TNNI3K: variants seen among roughly 807,000 people sequenced by gnomAD.
TNNI3K encodes the protein TNNI3 interacting kinase, also known as serine/threonine-protein kinase TNNI3K.
Under a neutral mutation model 114.5 loss-of-function variants are expected in TNNI3K, and 140 were observed. The observed-to-expected ratio is 1.22, with a 90% CI of 1.07 to 1.41. The LOEUF is 1.41. Ranked by LOEUF, TNNI3K falls within the 40% of genes most tolerant of loss-of-function variation. The pLI is 0.00. For missense variants in TNNI3K, 1,125 were observed against 1,007.6 expected, an observed-to-expected ratio of 1.12 and a Z score of -1.58; for synonymous variants, 347 against 347.5, an observed-to-expected ratio of 1.00 and a Z score of 0.02.
intron 20 of TNNI3K, among the ~76,000 whole-genome samples, chr1:74,445,215 TTC>T (rs1666582448): frequency 2.9e-5 from 2 of 70,132 alleles, no homozygotes; most frequent in South Asian, 1.5e-3. Flanking sequence ...TTTTTTTTTT[TTC>T]TTTCTTTTTT....
chr1:74,501,250 A>G lies in TNNI3K; in HGVS notation c.2351+8984A>G, dbSNP rs1052583720. On this transcript the variant is annotated intron_variant, in intron 23 of 24. Coordinates refer to ENST00000326637, the MANE Select transcript of TNNI3K (RefSeq NM_015978.3). ...CTTATTCTCTCAGAAGCTGGATTTA[A>G]TGTGTTGTTTACTTTGTTCATTGCA... Among the ~76,000 whole-genome samples the G allele has an allele frequency of 2.0e-5, 3 of 152,214 alleles. No individual in the cohort carries two copies. The South Asian group carries it at 6.2e-4, about 32-fold the overall frequency.
chr1:74,489,246 G>A lies in TNNI3K; in HGVS notation c.2179G>A (p.Glu727Lys). ...GTTAGAAGAGTGTCTCTGCAACATT[G>A]AGGTAAAAGCTTTAGCTTCTGAAAT... ...MKLEECLCNI[E>K]LMSPASSNSS... Residue 727 changes from glutamate (E) to lysine (K), a missense_variant and splice_region_variant, in exon 22 of 25, where the codon GAG becomes AAG. Glu to Lys is a moderately conservative substitution (Grantham distance 56). Transcript: ENST00000326637. The A allele has an allele frequency of 6.2e-7, 1 of 1,611,004 alleles. No individual in the cohort carries two copies. Among genetic ancestry groups the A allele is most frequent in the Non-Finnish European group, 8.5e-7 (1 of 1,178,672 alleles).
chr1:74,538,770 A>G (rs533237588), intron 23 of TNNI3K, among the ~76,000 whole-genome samples: 10 of 152,276 alleles, frequency 6.6e-5, no homozygotes, highest in Admixed American at 5.9e-4. Context: ...TAAGAAGAGC[A>G]TTGCAAGCAG....
intron 5 of TNNI3K, among the ~76,000 whole-genome samples, chr1:74,288,685 A>G (rs1236741855): frequency 6.6e-6 from 1 of 151,976 alleles, no homozygotes; most frequent in East Asian, 1.9e-4. Context: ...TAAATTCTGG[A>G]GATCTAATGT....
intron 21 of TNNI3K, among the ~76,000 whole-genome samples, chr1:74,474,990 T>C (rs1668116628): frequency 1.1e-5 from 1 of 93,612 alleles, no homozygotes; most frequent in East Asian, 3.2e-4. Context: ...GCACTATTGC[T>C]ATTTAAAAGG....
intron 21 of TNNI3K, among the ~76,000 whole-genome samples, chr1:74,485,850 T>C (rs540158076): frequency 6.6e-5 from 10 of 152,108 alleles, no homozygotes; most frequent in Non-Finnish European, 1.2e-4. Context: ...AAAACAGACA[T>C]GTGTCATACA....
chr1:74,260,341 AAACATTAG>A (rs1655588689), intron 4 of TNNI3K, among the ~76,000 whole-genome samples: 1 of 152,214 alleles, frequency 6.6e-6, no homozygotes, highest in South Asian at 2.1e-4. Context: ...GTGAGTGTCC[AAACATTAG>A]AACAATACTT....
Position 74,333,342 on chromosome 1 carries a change from T to G in TNNI3K, c.543+1794T>G, listed in dbSNP as rs75858284. Among the ~76,000 whole-genome samples the G allele has an allele frequency of 6.3e-3, 963 of 152,332 alleles. 11 individuals carry two copies. The highest frequency in any genetic ancestry group is 0.022 in the African/African-American group (922 of 41,572). ...ATGAAGAGCTGGGCACTGAAAATACTTTTAGAAGTACAGGCCCAAAAGCAC... is the reference window on the plus strand; with the variant it reads ...ATGAAGAGCTGGGCACTGAAAATACGTTTAGAAGTACAGGCCCAAAAGCAC... On this transcript the variant is annotated intron_variant, in intron 6 of 24. Coordinates refer to ENST00000326637, the MANE Select transcript of TNNI3K (RefSeq NM_015978.3).
chr1:74,348,902 A>G (rs1661174463), intron 9 of TNNI3K, among the ~76,000 whole-genome samples: 1 of 152,194 alleles, frequency 6.6e-6, no homozygotes, highest in South Asian at 2.1e-4. Flanking sequence ...TTGGGCTGAG[A>G]CTATGGCGTT....
At chr1:74,483,294 A>G in intron 21 of TNNI3K, 1 of 717,550 alleles carries the variant, frequency 1.4e-6, no homozygotes, top group Non-Finnish European at 2.6e-6. Flanking sequence ...ACAGAGGGTT[A>G]CATCTTTGGT....
intron 21 of TNNI3K, among the ~76,000 whole-genome samples, chr1:74,477,472 A>G (rs777751077): frequency 1.2e-4 from 19 of 152,180 alleles, no homozygotes; most frequent in Non-Finnish European, 2.2e-4. Context: ...CCTGTCAGGA[A>G]CAAAAAAATC....
Position 74,463,523 on chromosome 1 carries a change from G to C in TNNI3K, c.2094G>C (p.Leu698=). The change falls in exon 21 of 25, where the codon CTG becomes CTC. Residue 698 remains leucine (L), a synonymous_variant. Transcript: ENST00000326637. ...TTCCCAAGCCCATATCATCTCTGCT[G>C]ATACGAGGGTGGAACGCATGTCCTG... is the stretch of plus-strand genomic sequence containing the variant. The part of the protein sequence containing the change: ...YSIPKPISSL[L]IRGWNACPEG... The C allele has an allele frequency of 6.2e-7, 1 of 1,614,196 alleles. No individual in the cohort carries two copies. Among genetic ancestry groups the C allele is most frequent in the East Asian group, 2.2e-5 (1 of 44,886 alleles).
At chr1:74,377,522 C>T (rs2100540261) in intron 17 of TNNI3K, among the ~76,000 whole-genome samples, 1 of 152,072 alleles carries the variant, frequency 6.6e-6, no homozygotes, top group South Asian at 2.1e-4. Flanking sequence ...AATTATATTG[C>T]ACATGGTTTA....
chr1:74,365,798 G>A (rs900351387), intron 11 of TNNI3K, among the ~76,000 whole-genome samples: 26 of 151,930 alleles, frequency 1.7e-4, no homozygotes, highest in African/African-American at 5.3e-4. Flanking sequence ...TGCCCCCCAC[G>A]TTATTTCATT....
At chr1:74,267,588 G>A (rs769539514) in intron 4 of TNNI3K, among the ~76,000 whole-genome samples, 11 of 151,898 alleles carry the variant, frequency 7.2e-5, no homozygotes, top group Non-Finnish European at 1.6e-4. Flanking sequence ...TAAATGAGAG[G>A]ATATAGATAG....
intron 4 of TNNI3K, among the ~76,000 whole-genome samples, chr1:74,252,346 G>T (rs1413318615): frequency 6.6e-6 from 1 of 152,058 alleles, no homozygotes; most frequent in Non-Finnish European, 1.5e-5. Flanking sequence ...TGAAAATTTA[G>T]ATTCTTGGGA....
At chr1:74,335,291 C>A (rs1660406818) in intron 6 of TNNI3K, among the ~76,000 whole-genome samples, 2 of 152,256 alleles carry the variant, frequency 1.3e-5, no homozygotes, top group South Asian at 4.1e-4. Context: ...AGATTCGAAT[C>A]TAGGACTATC....
chr1:74,345,514 T>C (rs1232718263), intron 9 of TNNI3K, among the ~76,000 whole-genome samples: 1 of 152,178 alleles, frequency 6.6e-6, no homozygotes, highest in Non-Finnish European at 1.5e-5. Flanking sequence ...GAATGAATGA[T>C]ATTTCATGAA....
At chr1:74,337,507 T>G (rs1028564616) in intron 7 of TNNI3K, among the ~76,000 whole-genome samples, 2 of 152,090 alleles carry the variant, frequency 1.3e-5, no homozygotes, top group African/African-American at 2.4e-5. Flanking sequence ...AAGTAAAGAG[T>G]TCTCTTAGAT....
Sources: allele counts gnomAD v4.1 joint callset (sites outside exome capture counted in the v4.1 genomes callset), GRCh38; gene constraint gnomAD v4.1.1; transcripts MANE v1.5; gene names NCBI Gene and HGNC (gene_info 2026-07-23, HGNC 2026-07-21).